CAPS: variants seen among roughly 807,000 people sequenced by gnomAD.
CAPS encodes the protein calcyphosine.
In CAPS, 16 loss-of-function variants were observed where a neutral mutation model predicts 15.5. That is an observed-to-expected ratio of 1.03 (90% CI 0.70 to 1.57). The LOEUF (loss-of-function observed/expected upper bound fraction) is 1.57. Ranked by LOEUF, CAPS falls within the 40% of genes most tolerant of loss-of-function variation. The pLI, the probability that CAPS is intolerant of heterozygous loss-of-function variation, is 0.00. For missense variants in CAPS, 294 were observed against 278.4 expected, an observed-to-expected ratio of 1.06 and a Z score of -0.40; for synonymous variants, 121 against 116.0, an observed-to-expected ratio of 1.04 and a Z score of -0.28.
In CAPS at chr19:5,915,466, C is replaced by T; in HGVS notation, c.*144C>T. On this transcript the variant is annotated 3_prime_UTR_variant, in exon 5 of 5. Transcript: ENST00000588776. ...GGGGGAATGGAGGCTGCAGGACTGG[C>T]TAGACCAGGTCCCTGCCGGTCCACC... The T allele has an allele frequency of 1.6e-6, 1 of 633,832 alleles. No homozygotes were observed. The highest frequency in any genetic ancestry group is 2.7e-6 in the Non-Finnish European group (1 of 367,728). The allele number at this position is 633,832 out of a possible 1,614,324, so 39.3% of individuals were successfully genotyped here. A position where few individuals can be genotyped will look rare whatever the true frequency, so the allele number is the denominator to read the frequency against.
In CAPS at chr19:5,914,807, G is replaced by T. The variant is rs957637819; in HGVS notation, c.261+67G>T. On this transcript the variant is annotated intron_variant, in intron 3 of 4. Transcript: ENST00000588776. ...GGGGCGACAGAGGATGCTGAGATGC[G>T]GAGACGGGGACTCCTCCCTAAGAGC... 1.9e-6 allele frequency: 3 copies of T among 1,556,606 alleles called. No individual in the cohort carries two copies. In the African/African-American group the frequency reaches 4.1e-5, roughly 21 times the overall value.
At chr19:5,915,197 C>A in intron 4 of CAPS, 24 bp from the exon 5 acceptor site, 4 of 1,609,402 alleles carry the variant, frequency 2.5e-6, no homozygotes, top group Non-Finnish European at 3.4e-6. Flanking sequence ...TCGGCCGTGC[C>A]CCCTCACGGC....
rs938937922 is a variant in CAPS at position 5,915,460 on chromosome 19, G to C, written c.*138G>C. On this transcript the variant is annotated 3_prime_UTR_variant, in exon 5 of 5. Coordinates refer to ENST00000588776, the MANE Select transcript of CAPS (RefSeq NM_004058.5). Reference sequence around the variant, plus strand: ...GCAGGTGGGGGAATGGAGGCTGCAGGACTGGCTAGACCAGGTCCCTGCCGG... The same window carrying C: ...GCAGGTGGGGGAATGGAGGCTGCAGCACTGGCTAGACCAGGTCCCTGCCGG... 9 of 653,396 alleles carry C rather than the reference G, an allele frequency of 1.4e-5. No homozygotes were observed. The highest frequency in any genetic ancestry group is 2.8e-5 in the Admixed American group (1 of 35,286). The allele number at this position is 653,396 out of a possible 1,614,324, so 40.5% of individuals were successfully genotyped here.
At position 5,914,498 on chromosome 19, in the gene CAPS, T is replaced by C; in HGVS notation, c.83+9T>C. The C allele has an allele frequency of 6.2e-7, 1 of 1,608,462 alleles. No individual in the cohort carries two copies. ...ATCCAGGGCCTGGCCAGGTGAGCTGTCCCCTCTCACCTTCCTGACCCCGGC... is the reference window on the plus strand; with the variant it reads ...ATCCAGGGCCTGGCCAGGTGAGCTGCCCCCTCTCACCTTCCTGACCCCGGC... On this transcript the variant is annotated intron_variant, in intron 2 of 4. Transcript: ENST00000588776.
rs762660568 is a variant in CAPS, at chr19:5,915,335, C to G, written c.*13C>G. Reference sequence around the variant, plus strand: ...CTGGCAGCTGTGAGCAGCTCCGGCTCAGCCCTGCTGCCCTGGCCTGTCACT... The same window carrying G: ...CTGGCAGCTGTGAGCAGCTCCGGCTGAGCCCTGCTGCCCTGGCCTGTCACT... On this transcript the variant is annotated 3_prime_UTR_variant, in exon 5 of 5. Transcript: ENST00000588776. The G allele has an allele frequency of 1.3e-6, 2 of 1,582,610 alleles. No individual in the cohort carries two copies. The highest frequency in any genetic ancestry group is 8.6e-7 in the Non-Finnish European group (1 of 1,161,136).
chr19:5,914,837 G>GT, intron 3 of CAPS, 97 bp downstream of exon 3: 1 of 1,539,818 alleles, frequency 6.5e-7, no homozygotes, highest in Non-Finnish European at 8.8e-7. Context: ...AAGAGCTGCT[G>GT]TTAAGAGGCG....
Position 5,915,138 on chromosome 19 carries a change from G to T in CAPS, c.460G>T (p.Asp154Tyr). ...FLDNFDSSEK[D>Y]GQVTLAEFQD... Reference sequence around the variant, plus strand: ...GGACAACTTCGACTCCTCTGAGAAGGACGGGCAGGTGGGTGGCTGCGCGGG... The same window carrying T: ...GGACAACTTCGACTCCTCTGAGAAGTACGGGCAGGTGGGTGGCTGCGCGGG... The change falls in exon 4 of 5, where the codon GAC becomes TAC. Residue 154 changes from aspartate to tyrosine, a missense_variant. Asp to Tyr is a radical substitution (Grantham distance 160). Transcript: ENST00000588776. The T allele has an allele frequency of 1.2e-6, 2 of 1,613,204 alleles. No individual in the cohort carries two copies. The highest frequency in any genetic ancestry group is 2.7e-5 in the African/African-American group (2 of 75,042).
chr19:5,914,903 G>T (rs1332691419), intron 3 of CAPS, 37 bp from the exon 4 acceptor site: 3 of 1,578,618 alleles, frequency 1.9e-6, no homozygotes, highest in Non-Finnish European at 2.6e-6. Context: ...GTTTGGGTGT[G>T]CTACCCACCA....
At position 5,915,044 on chromosome 19, in the gene CAPS, C is replaced by T; in HGVS notation, c.366C>T (p.Tyr122=). ...CGGTGGACGACCTCCGCGGGGTGTA[C>T]AGTGGCCGTGCCCACCCCAAGGTGC... is the stretch of plus-strand genomic sequence containing the variant. The part of the protein sequence containing the change: ...VVTVDDLRGV[Y]SGRAHPKVRS... The change falls in exon 4 of 5, where the codon TAC becomes TAT. Residue 122 remains tyrosine (Y), a synonymous_variant. Transcript: ENST00000588776. 1.2e-6 allele frequency: 2 copies of T among 1,612,926 alleles called. No individual in the cohort carries two copies. The highest frequency in any genetic ancestry group is 1.3e-5 in the African/African-American group (1 of 75,038).
rs1005166857 is a variant in CAPS, at chr19:5,915,582, G to A, written c.*260G>A. The A allele has an allele frequency of 2.2e-5, 10 of 464,468 alleles. No homozygotes were observed. Among genetic ancestry groups the A allele is most frequent in the Non-Finnish European group, 3.9e-5 (10 of 257,772 alleles). 28.8% of individuals were successfully genotyped at this position (464,468 alleles called of 1,614,324 possible). A position where few individuals can be genotyped will look rare whatever the true frequency, so the allele number is the denominator to read the frequency against. On this transcript the variant is annotated 3_prime_UTR_variant, in exon 5 of 5. Transcript: ENST00000588776. ...CCCCACCCACGCCATGCTGACCAGA[G>A]ATCTTGCAGCCCCTGTGGATGCCCC...
chr19:5,915,092 C>T lies in CAPS; in HGVS notation c.414C>T (p.Asp138=), dbSNP rs144843740. 199 of 1,613,108 alleles carry T rather than the reference C, an allele frequency of 1.2e-4. No individual in the cohort carries two copies. The highest frequency in any genetic ancestry group is 1.6e-4 in the Non-Finnish European group (191 of 1,179,908). ...TGCGCAGTGGGGAGTGGACCGAGGA[C>T]GAGGTGCTGCGCCGCTTCCTGGACA... ...PKVRSGEWTE[D]EVLRRFLDNF... is the part of the protein sequence containing the mutation. Residue 138 remains aspartate (D), a synonymous_variant, in exon 4 of 5, where the codon GAC becomes GAT. Coordinates refer to ENST00000588776, the MANE Select transcript of CAPS (RefSeq NM_004058.5).
chr19:5,914,394 GCC>G lies in CAPS; in HGVS notation c.-11_-10del, dbSNP rs776594808. The G allele has an allele frequency of 1.2e-6, 2 of 1,613,148 alleles. No individual in the cohort carries two copies. Among genetic ancestry groups the G allele is most frequent in the Non-Finnish European group, 1.7e-6 (2 of 1,179,968 alleles). Reference sequence around the variant, plus strand: ...CCTCTCTCCCTTCCAGCTGCCCAGAGCCCAGACCAAGCATGGACGCCGTGGAT... The same window carrying G: ...CCTCTCTCCCTTCCAGCTGCCCAGAGCAGACCAAGCATGGACGCCGTGGAT... On this transcript the variant is annotated 5_prime_UTR_variant, in exon 2 of 5. Transcript: ENST00000588776.
Position 5,914,604 on chromosome 19 carries a change from A to G in CAPS, c.125A>G (p.Asp42Gly). The G allele has an allele frequency of 6.2e-7, 1 of 1,613,324 alleles. No individual in the cohort carries two copies. The highest frequency in any genetic ancestry group is 1.1e-5 in the South Asian group (1 of 91,022). The stretch of plus-strand genomic sequence containing the variant: ...GACCGGGACGGGAGCAGATCCCTGG[A>G]CGCTGATGAGTTCCGGCAGGGTCTG... Reference protein sequence around the residue: ...QLDRDGSRSLDADEFRQGLAK... With the variant: ...QLDRDGSRSLGADEFRQGLAK... Residue 42 changes from aspartate (D) to glycine (G), a missense_variant, in exon 3 of 5, where the codon GAC (aspartate) becomes GGC (glycine). Coordinates refer to ENST00000588776, the MANE Select transcript of CAPS (RefSeq NM_004058.5).
Position 5,914,654 on chromosome 19 carries a change from C to G in CAPS, c.175C>G (p.Gln59Glu). ...GLAKLGLVLD[Q>E]AEAEGVCRKW... ...GGCCAAACTCGGGCTGGTGCTGGAC[C>G]AGGCGGAGGCAGAGGGTGTGTGCAG... The change falls in exon 3 of 5, where the codon CAG becomes GAG. Residue 59 changes from glutamine (Q) to glutamate (E), a missense_variant. By Grantham distance (29) the Gln-to-Glu change is conservative. Transcript: ENST00000588776. The G allele has an allele frequency of 1.9e-6, 3 of 1,614,014 alleles. No homozygotes were observed. Among genetic ancestry groups the G allele is most frequent in the Admixed American group, 1.7e-5 (1 of 60,028 alleles).
Position 5,915,544 on chromosome 19 carries a change from GGA to G in CAPS, c.*225_*226del, listed in dbSNP as rs2057726753. 3 of 533,206 alleles carry G rather than the reference GGA, an allele frequency of 5.6e-6. No individual in the cohort carries two copies. Among genetic ancestry groups the G allele is most frequent in the Non-Finnish European group, 6.7e-6 (2 of 297,882 alleles). 33.0% of individuals were successfully genotyped at this position (533,206 alleles called of 1,614,324 possible). On this transcript the variant is annotated 3_prime_UTR_variant, in exon 5 of 5. Coordinates refer to ENST00000588776, the MANE Select transcript of CAPS (RefSeq NM_004058.5). ...AGGAGTCACTGGCTCAGGACCCCAGGGAGAAACGCTCTCCCCACCCACGCCAT... is the reference window on the plus strand; with the variant it reads ...AGGAGTCACTGGCTCAGGACCCCAGGGAAACGCTCTCCCCACCCACGCCAT...
In CAPS at chr19:5,914,633, A is replaced by C. The variant is rs1358121401; in HGVS notation, c.154A>C (p.Lys52Gln). 6.2e-7 allele frequency: 1 copy of C among 1,613,932 alleles called. No individual in the cohort carries two copies. Among genetic ancestry groups the C allele is most frequent in the South Asian group, 1.1e-5 (1 of 91,074 alleles). ...DADEFRQGLA[K>Q]LGLVLDQAEA... The stretch of plus-strand genomic sequence containing the variant: ...TGATGAGTTCCGGCAGGGTCTGGCC[A>C]AACTCGGGCTGGTGCTGGACCAGGC... Residue 52 changes from lysine (K) to glutamine (Q), a missense_variant, in exon 3 of 5, where the codon AAA (lysine) becomes CAA (glutamine). Physicochemically the swap from Lys to Gln is moderately conservative, Grantham distance 53. Coordinates refer to ENST00000588776, the MANE Select transcript of CAPS (RefSeq NM_004058.5).
rs928404186 is a variant in CAPS at position 5,916,181 on chromosome 19, T to G, written c.*859T>G. 6.6e-6 allele frequency: 1 copy of G among 152,216 alleles called. No individual in the cohort carries two copies. Among genetic ancestry groups the G allele is most frequent in the Non-Finnish European group, 1.5e-5 (1 of 68,046 alleles). The allele number at this position is 152,216 out of a possible 1,614,324, so 9.4% of individuals were successfully genotyped here. A position where few individuals can be genotyped will look rare whatever the true frequency, so the allele number is the denominator to read the frequency against. On this transcript the variant is annotated 3_prime_UTR_variant, in exon 5 of 5. Transcript: ENST00000588776. ...ATGTAGTTCCCAAATACATTTCATA[T>G]GACAATCTTACATAAATGTTCCAAA... is the stretch of plus-strand genomic sequence containing the variant.
At position 5,914,702 on chromosome 19, in the gene CAPS, G is replaced by A. The variant is rs367710141; in HGVS notation, c.223G>A (p.Gly75Arg). 48 of 1,613,502 alleles carry A rather than the reference G, an allele frequency of 3.0e-5. No homozygotes were observed. Among genetic ancestry groups the A allele is most frequent in the Non-Finnish European group, 3.8e-5 (45 of 1,179,836 alleles). ...CAGGAAGTGGGACCGCAATGGCAGC[G>A]GGACGCTGGATCTGGAGGAGTTCCT... The part of the protein sequence containing the change: ...VCRKWDRNGS[G>R]TLDLEEFLRA... The change falls in exon 3 of 5, where the codon GGG becomes AGG. Residue 75 changes from glycine (G) to arginine (R), a missense_variant. Transcript: ENST00000588776.
chr19:5,914,866 C>A, intron 3 of CAPS, 74 bp from the exon 4 acceptor site: 6 of 1,541,370 alleles, frequency 3.9e-6, no homozygotes, highest in Non-Finnish European at 5.3e-6. Context: ...GGCATACAGC[C>A]CCAGTGCTCT....
Sources: gnomAD v4.1 joint callset for allele counts on GRCh38, gnomAD v4.1.1 for gene constraint, MANE v1.5 for transcripts, NCBI Gene and HGNC (gene_info 2026-07-23, HGNC 2026-07-21) for gene names.